Variants in PRKCB observed in about 807,000 individuals in gnomAD.
The protein encoded by PRKCB is protein kinase C beta, also known as protein kinase C beta type.
In PRKCB, 13 loss-of-function variants were observed where a neutral mutation model predicts 81.5. The observed-to-expected ratio is 0.16, with a 90% CI of 0.10 to 0.25. The LOEUF (loss-of-function observed/expected upper bound fraction) is 0.25, where lower values mean the gene tolerates loss of function less well. PRKCB is among the 10% of genes least tolerant of loss of function. The pLI, the probability that PRKCB is intolerant of heterozygous loss-of-function variation, is 1.00. For missense variants in PRKCB, 509 were observed against 875.7 expected (o/e 0.58, Z 5.29); for synonymous variants, 335 against 321.4 (o/e 1.04, Z -0.45).
chr16:24,127,237 C>T (rs1966846120), intron 9 of PRKCB, among the ~76,000 whole-genome samples: 1 of 151,766 alleles, frequency 6.6e-6, no homozygotes, highest in Non-Finnish European at 1.5e-5. Flanking sequence ...AACTCCTGAC[C>T]TCAGGTGATC....
At chr16:24,055,637 C>T (rs1356240483) in intron 5 of PRKCB, among the ~76,000 whole-genome samples, 9 of 152,318 alleles carry the variant, frequency 5.9e-5, no homozygotes, top group Admixed American at 5.2e-4. Flanking sequence ...GGAGAAATCC[C>T]GACCTAAGCA....
rs62858162 is a variant in PRKCB, at chr16:24,106,108, G to A, written c.822-6865G>A. On this transcript the variant is annotated intron_variant, in intron 7 of 16. Transcript: ENST00000643927. ...ATTTTGGTCTTATTACAAAAAAAAA[G>A]CAAAAAACAAAAAACAAAAAAAACT... Among the ~76,000 whole-genome samples the A allele has an allele frequency of 5.6e-3, 90 of 16,166 alleles. 1 individual carries two copies. The highest frequency in any genetic ancestry group is 0.01 in the Admixed American group (17 of 1,698). The allele number at this position is 16,166 out of a possible 152,430, so 10.6% of individuals were successfully genotyped here.
At chr16:23,899,877 G>T (rs552828992) in intron 2 of PRKCB, among the ~76,000 whole-genome samples, 1 of 151,280 alleles carries the variant, frequency 6.6e-6, no homozygotes. Context: ...TGTAGAGATA[G>T]GGCCTTGCTA....
chr16:24,096,666 A>AAATATATATATATATATAT (rs1406204037), intron 7 of PRKCB, among the ~76,000 whole-genome samples: 2 of 32,702 alleles, frequency 6.1e-5, no homozygotes, highest in African/African-American at 9.7e-5. Context: ...AAAAAAAAAA[A>AAATATATATATATATATAT]ATATATATAT....
At chr16:24,093,798 C>A (rs1966405801) in intron 6 of PRKCB, among the ~76,000 whole-genome samples, 2 of 152,228 alleles carry the variant, frequency 1.3e-5, no homozygotes, top group Admixed American at 6.5e-5. Flanking sequence ...GCCTCATTCT[C>A]AACCCACCTG....
intron 2 of PRKCB, among the ~76,000 whole-genome samples, chr16:23,916,256 A>G (rs1597244181): frequency 8.1e-6 from 1 of 123,744 alleles, no homozygotes; most frequent in African/African-American, 3.2e-5. Flanking sequence ...ACGAGGTCTT[A>G]CTATGTAGCC....
chr16:23,998,823 C>A (rs1964993413), intron 3 of PRKCB, among the ~76,000 whole-genome samples: 1 of 152,192 alleles, frequency 6.6e-6, no homozygotes, highest in African/African-American at 2.4e-5. Flanking sequence ...TGAGCAGGTT[C>A]TCTGTCTGCC....
intron 16 of PRKCB, among the ~76,000 whole-genome samples, chr16:24,211,818 C>T (rs1034216784): frequency 3.9e-5 from 6 of 152,100 alleles, no homozygotes; most frequent in African/African-American, 1.4e-4. Context: ...CCTCGGCTTC[C>T]CAAAGTTCAG....
At chr16:23,976,282 A>G (rs1253343684) in intron 2 of PRKCB, among the ~76,000 whole-genome samples, 1 of 151,996 alleles carries the variant, frequency 6.6e-6, no homozygotes, top group Admixed American at 6.6e-5. Flanking sequence ...TGGGTGACAG[A>G]GTGAGATTCT....
chr16:23,933,394 C>A (rs1172014075), intron 2 of PRKCB, among the ~76,000 whole-genome samples: 2 of 152,014 alleles, frequency 1.3e-5, no homozygotes, highest in Non-Finnish European at 2.9e-5. Context: ...TTGATGAGCC[C>A]CTTTTGGTTA....
rs182900079 is a variant in PRKCB at position 23,875,814 on chromosome 16, T to C, written c.205+38408T>C. Among the ~76,000 whole-genome samples, 58 of 147,358 alleles carry C rather than the reference T, an allele frequency of 3.9e-4. 7 individuals carry two copies. Among genetic ancestry groups the C allele is most frequent in the South Asian group, 3.6e-3 (17 of 4,782 alleles). ...CACACATATATGTGTGTATATCATA[T>C]ATATATATGCATGACCCATATTTAA... On this transcript the variant is annotated intron_variant, in intron 2 of 16. Transcript: ENST00000643927.
chr16:23,900,730 T>G (rs903176647), intron 2 of PRKCB, among the ~76,000 whole-genome samples: 1 of 136,288 alleles, frequency 7.3e-6, no homozygotes, highest in Non-Finnish European at 1.6e-5. Flanking sequence ...TTTTTTTTTT[T>G]TTTTTTTTTT....
intron 5 of PRKCB, among the ~76,000 whole-genome samples, chr16:24,088,714 CAAAAAAAAA>C (rs56883594): frequency 8.8e-6 from 1 of 113,650 alleles, no homozygotes; most frequent in African/African-American, 3.2e-5. Flanking sequence ...GACCCTGTGT[CAAAAAAAAA>C]AAAAAAAAAA....
intron 5 of PRKCB, among the ~76,000 whole-genome samples, chr16:24,058,031 C>T (rs1965926534): frequency 6.6e-6 from 1 of 152,158 alleles, no homozygotes; most frequent in Non-Finnish European, 1.5e-5. Flanking sequence ...AGCCTCTTTC[C>T]AACCTTGTTT....
chr16:24,219,862 C>T lies in PRKCB; in HGVS notation c.*5046C>T. On this transcript the variant is annotated 3_prime_UTR_variant, in exon 17 of 17. Coordinates refer to ENST00000643927, the MANE Select transcript of PRKCB (RefSeq NM_002738.7). ...TTTCAGCACAGGGCTCTTTCTGACT[C>T]TGCTCATGAGATGGTATCAGCCACC... The T allele has an allele frequency of 6.8e-7, 1 of 1,472,892 alleles. No individual in the cohort carries two copies. Among genetic ancestry groups the T allele is most frequent in the Non-Finnish European group, 9.0e-7 (1 of 1,108,952 alleles). 91.2% of individuals were successfully genotyped at this position (1,472,892 alleles called of 1,614,324 possible). A position where few individuals can be genotyped will look rare whatever the true frequency, so the allele number is the denominator to read the frequency against.
chr16:23,906,200 G>A (rs1424610867), intron 2 of PRKCB, among the ~76,000 whole-genome samples: 2 of 152,150 alleles, frequency 1.3e-5, no homozygotes, highest in Non-Finnish European at 2.9e-5. Context: ...TACCAACATA[G>A]AATATTATCA....
chr16:23,842,563 A>G (rs781055110), intron 2 of PRKCB, among the ~76,000 whole-genome samples: 21 of 152,192 alleles, frequency 1.4e-4, no homozygotes, highest in Middle Eastern at 3.2e-3. Flanking sequence ...ATGCCTGGTT[A>G]GCATTGTCTT....
At position 24,219,643 on chromosome 16, in the gene PRKCB, A is replaced by C. The variant is rs914358493; in HGVS notation, c.*4827A>C. 2.7e-5 allele frequency: 29 copies of C among 1,077,516 alleles called. No homozygotes were observed. The highest frequency in any genetic ancestry group is 3.1e-5 in the Non-Finnish European group (28 of 893,198). The allele number at this position is 1,077,516 out of a possible 1,614,324, so 66.7% of individuals were successfully genotyped here. ...CCAATTCAATTCATCCTAAAGCCAA[A>C]GAAAATACAGCAACACACACACACA... is the stretch of plus-strand genomic sequence containing the variant. On this transcript the variant is annotated 3_prime_UTR_variant, in exon 17 of 17. Transcript: ENST00000643927.
chr16:24,213,107 C>T (rs1436582986), intron 16 of PRKCB, among the ~76,000 whole-genome samples: 1 of 151,654 alleles, frequency 6.6e-6, no homozygotes, highest in Non-Finnish European at 1.5e-5. Flanking sequence ...CGATCTCAGC[C>T]GACTGCAACC....
Sources: allele counts gnomAD v4.1 joint callset (sites outside exome capture counted in the v4.1 genomes callset), GRCh38; gene constraint gnomAD v4.1.1; transcripts MANE v1.5; gene names NCBI Gene and HGNC (gene_info 2026-07-23, HGNC 2026-07-21).